Variants in OTUD4 observed in about 807,000 individuals in gnomAD.
OTUD4 encodes the protein OTU deubiquitinase 4.
OTUD4 carries 24 observed loss-of-function variants against 130.4 expected under a neutral mutation model. The observed-to-expected ratio is 0.18, with a 90% CI of 0.13 to 0.26. OTUD4 has a LOEUF of 0.26. OTUD4 is among the 10% of genes least tolerant of loss of function. OTUD4 has a pLI of 1.00. For synonymous variants in OTUD4, 420 were observed against 472.5 expected (o/e 0.89, Z 1.44); for missense variants, 1,031 against 1,329.4 (o/e 0.78, Z 3.49).
chr4:145,142,633 C>T lies in OTUD4; in HGVS notation c.1684-299G>A, dbSNP rs185508418. Among the ~76,000 whole-genome samples, 38 of 152,348 alleles carry T rather than the reference C, an allele frequency of 2.5e-4. No homozygotes were observed. In the East Asian group the frequency reaches 7.1e-3, roughly 29 times the overall value. On this transcript the variant is annotated intron_variant, in intron 17 of 20. Transcript: ENST00000447906. ...AACTCTTGGGCTCAAGCGATCTGCC[C>T]GCCTTGGCATCCCAAGGTGCTGGAA... is the stretch of plus-strand genomic sequence containing the variant.
At chr4:145,161,972 T>C (rs977690205) in intron 6 of OTUD4, among the ~76,000 whole-genome samples, 3 of 152,190 alleles carry the variant, frequency 2.0e-5, no homozygotes, top group Non-Finnish European at 4.4e-5. Context: ...CTCTGTTTTG[T>C]TTTGCTTTGC....
In OTUD4 at chr4:145,137,914, G is replaced by A; in HGVS notation, c.2861C>T (p.Pro954Leu). Residue 954 changes from proline to leucine, a missense_variant, in exon 21 of 21, where the codon CCT becomes CTT. Coordinates refer to ENST00000447906, the MANE Select transcript of OTUD4 (RefSeq NM_001366057.1). ...RKADTALASI[P>L]PVAEGKAHPP... ...ATGAGCCTTTCCCTCTGCTACAGGAGGGATGGAAGCCAATGCCGTATCTGC... is the reference window on the plus strand; with the variant it reads ...ATGAGCCTTTCCCTCTGCTACAGGAAGGATGGAAGCCAATGCCGTATCTGC... The A allele has an allele frequency of 1.2e-6, 2 of 1,614,144 alleles. No individual in the cohort carries two copies. The highest frequency in any genetic ancestry group is 1.7e-6 in the Non-Finnish European group (2 of 1,180,040).
chr4:145,171,130 C>G (rs925965914), intron 3 of OTUD4: 2 of 152,430 alleles, frequency 1.3e-5, no homozygotes, highest in Non-Finnish European at 2.9e-5. Flanking sequence ...GTCGAGAGAT[C>G]GAGACCATCC....
chr4:145,143,419 T>TTTGG lies in OTUD4; in HGVS notation c.1628_1629insCCAA (p.Val544GlnfsTer58), dbSNP rs1750656545. The TTTGG allele has an allele frequency of 9.3e-6, 15 of 1,610,182 alleles. No individual in the cohort carries two copies. Among genetic ancestry groups the TTTGG allele is most frequent in the Non-Finnish European group, 1.3e-5 (15 of 1,176,814 alleles). On this transcript the variant is annotated frameshift_variant, in exon 17 of 21. Transcript: ENST00000447906. LOFTEE classifies it high-confidence loss of function. The stretch of plus-strand genomic sequence containing the variant: ...TCTTTGACTTTGATGGTGATGAAAC[T>TTTGG]GTTGCATATTTATCATCAGTAATAT...
At chr4:145,146,725 T>C (rs1450397900) in intron 13 of OTUD4, among the ~76,000 whole-genome samples, 1 of 152,156 alleles carries the variant, frequency 6.6e-6, no homozygotes, top group African/African-American at 2.4e-5. Context: ...AAAAAACTTA[T>C]TTCCAAATGA....
At chr4:145,159,789 CAG>C (rs1751467987) in intron 6 of OTUD4, among the ~76,000 whole-genome samples, 154 bp from the exon 7 acceptor site, 1 of 152,264 alleles carries the variant, frequency 6.6e-6, no homozygotes, top group African/African-American at 2.4e-5. Context: ...ATAATTTTAT[CAG>C]AAAGTTACCT....
chr4:145,143,421 T>C lies in OTUD4; in HGVS notation c.1627A>G (p.Thr543Ala). Reference sequence around the variant, plus strand: ...TTTGACTTTGATGGTGATGAAACTGTTGCATATTTATCATCAGTAATATTC... The same window carrying C: ...TTTGACTTTGATGGTGATGAAACTGCTGCATATTTATCATCAGTAATATTC... ...LENITDDKYA[T>A]VSSPSKSKKL... The change falls in exon 17 of 21, where the codon ACA becomes GCA. Residue 543 changes from threonine (T) to alanine (A), a missense_variant. Physicochemically the swap from Thr to Ala is moderately conservative, Grantham distance 58. This residue lies in a region of OTUD4 where 900 missense variants were observed against 1,095.9 expected (regional missense o/e 0.82). Transcript: ENST00000447906. The C allele has an allele frequency of 6.2e-7, 1 of 1,609,396 alleles. No homozygotes were observed. Among genetic ancestry groups the C allele is most frequent in the South Asian group, 1.1e-5 (1 of 90,874 alleles).
In OTUD4 at chr4:145,180,134, C is replaced by G. The variant is rs1185655738; in HGVS notation, c.-161G>C. 3.1e-5 allele frequency: 10 copies of G among 327,564 alleles called. No individual in the cohort carries two copies. The highest frequency in any genetic ancestry group is 4.6e-5 in the Non-Finnish European group (10 of 219,080). 20.3% of individuals were successfully genotyped at this position (327,564 alleles called of 1,614,324 possible). ...CGGCGGCCCGAGGCAGCGGTCCGCG[C>G]TCTCCGGGCGCATAGGGAAGCCCTG... On this transcript the variant is annotated 5_prime_UTR_variant, in exon 1 of 21. Transcript: ENST00000447906.
At position 145,150,872 on chromosome 4, in the gene OTUD4, T is replaced by C. The variant is rs1359317101; in HGVS notation, c.1002A>G (p.Pro334=). Residue 334 remains proline (P), a synonymous_variant, in exon 12 of 21, where the codon CCA becomes CCG. Transcript: ENST00000447906. Reference sequence around the variant, plus strand: ...TCCCTGACACTGTGTTCCAGCTTTCTGGGGGAGGTGCCTTGAGGTTCTTTG... The same window carrying C: ...TCCCTGACACTGTGTTCCAGCTTTCCGGGGGAGGTGCCTTGAGGTTCTTTG... ...HTSKNLKAPP[P]ESWNTVSGKK... is the part of the protein sequence containing the mutation. The C allele has an allele frequency of 3.1e-6, 5 of 1,613,724 alleles. No individual in the cohort carries two copies. The highest frequency in any genetic ancestry group is 2.2e-5 in the South Asian group (2 of 91,040).
At chr4:145,172,026 G>A (rs1350982782) in intron 2 of OTUD4, among the ~76,000 whole-genome samples, 1 of 152,230 alleles carries the variant, frequency 6.6e-6, no homozygotes, top group Non-Finnish European at 1.5e-5. Flanking sequence ...TCTACAGAGA[G>A]GGCCAATGTG....
At chr4:145,162,766 T>A in intron 5 of OTUD4, 45 bp from the exon 6 acceptor site, 2 of 966,748 alleles carry the variant, frequency 2.1e-6, no homozygotes, top group South Asian at 1.5e-5. Flanking sequence ...CTCATACATA[T>A]AACATTTACA....
chr4:145,160,187 C>G (rs957023065), intron 6 of OTUD4, among the ~76,000 whole-genome samples: 3 of 152,162 alleles, frequency 2.0e-5, no homozygotes, highest in African/African-American at 7.2e-5. Context: ...GACTTGGATG[C>G]TAGTCTAAGC....
intron 1 of OTUD4, 79 bp downstream of exon 1, chr4:145,179,736 C>T (rs1022053501): frequency 6.9e-7 from 1 of 1,452,088 alleles, no homozygotes. Flanking sequence ...GCCCGGACAG[C>T]CCGCAGCTGC....
Position 145,141,608 on chromosome 4 carries a change from C to A in OTUD4, c.1854G>T (p.Val618=). 6.4e-7 allele frequency: 1 copy of A among 1,552,604 alleles called. No individual in the cohort carries two copies. Among genetic ancestry groups the A allele is most frequent in the Non-Finnish European group, 8.7e-7 (1 of 1,149,368 alleles). ...CAGGTCCAGTGGTCAAAGTCTGTGT[C>A]ACTGACAAAACGGGAATTGGAGCAG... ...GVPAPIPVLS[V]TQTLTTGPDS... is the part of the protein sequence containing the mutation. Residue 618 remains valine, a synonymous_variant, in exon 19 of 21, where the codon GTG becomes GTT. Transcript: ENST00000447906.
At chr4:145,178,890 A>G (rs1238505694) in intron 1 of OTUD4, among the ~76,000 whole-genome samples, 1 of 152,152 alleles carries the variant, frequency 6.6e-6, no homozygotes, top group Non-Finnish European at 1.5e-5. Context: ...GGGGTGTGCA[A>G]TGGGGTGTGG....
intron 16 of OTUD4, among the ~76,000 whole-genome samples, 182 bp downstream of exon 16, chr4:145,143,764 G>C (rs1333638883): frequency 1.3e-5 from 2 of 152,160 alleles, no homozygotes; most frequent in Non-Finnish European, 2.9e-5. Context: ...AATGTACCTT[G>C]AAGAAACTGT....
chr4:145,165,429 G>T (rs943368858), intron 3 of OTUD4, among the ~76,000 whole-genome samples: 1 of 151,516 alleles, frequency 6.6e-6, no homozygotes, highest in Non-Finnish European at 1.5e-5. Flanking sequence ...AGGGTGAAAT[G>T]ACAGTTCCTA....
intron 11 of OTUD4, among the ~76,000 whole-genome samples, chr4:145,151,919 T>C (rs1337238299): frequency 6.6e-6 from 1 of 152,204 alleles, no homozygotes; most frequent in Non-Finnish European, 1.5e-5. Context: ...ACTAACTACA[T>C]GCAATGCAGT....
chr4:145,159,750 G>C lies in OTUD4; in HGVS notation c.497-115C>G, dbSNP rs36225456. The C allele has an allele frequency of 1.2e-3, 1,149 of 926,848 alleles. 4 individuals carry two copies. The African/African-American group carries it at 0.014, about 12-fold the overall frequency. The allele number at this position is 926,848 out of a possible 1,614,324, so 57.4% of individuals were successfully genotyped here. The stretch of plus-strand genomic sequence containing the variant: ...GCTCAGGCTTTTAAAATCCTGACTA[G>C]ATATCTGCTAAACCTTATGGTCAAT... On this transcript the variant is annotated intron_variant, in intron 6 of 20. Coordinates refer to ENST00000447906, the MANE Select transcript of OTUD4 (RefSeq NM_001366057.1).
Sources: allele counts gnomAD v4.1 joint callset (sites outside exome capture counted in the v4.1 genomes callset), GRCh38; gene constraint gnomAD v4.1.1; regional missense constraint gnomAD v4.1.1; transcripts MANE v1.5; gene names NCBI Gene and HGNC (gene_info 2026-07-23, HGNC 2026-07-21).